The following TANC2 variants were observed in gnomAD, a reference collection of about 807,000 sequenced individuals.
TANC2 encodes protein TANC2.
Under a neutral mutation model 210.5 loss-of-function variants are expected in TANC2, and 26 were observed. The ratio of observed to expected loss-of-function variants is 0.12; its 90% CI spans 0.09 to 0.17. The LOEUF is 0.17. Ranked by LOEUF, TANC2 falls within the 10% of genes least tolerant of loss-of-function variation. TANC2 has a pLI of 1.00. For missense variants in TANC2, 2,129 were observed against 2,608.9 expected, an observed-to-expected ratio of 0.82 and a Z score of 4.01; for synonymous variants, 931 against 967.1, an observed-to-expected ratio of 0.96 and a Z score of 0.69.
chr17:63,176,898 T>C (rs2040603923), intron 5 of TANC2, among the ~76,000 whole-genome samples: 2 of 151,878 alleles, frequency 1.3e-5, no homozygotes, highest in African/African-American at 4.8e-5. Context: ...ACATACAGAC[T>C]TCCAGAGAGT....
intron 14 of TANC2, among the ~76,000 whole-genome samples, chr17:63,357,055 A>T (rs1038841308): frequency 2.0e-5 from 3 of 152,258 alleles, no homozygotes; most frequent in Admixed American, 6.5e-5. Context: ...TGTGAATTGT[A>T]TGATGTTCCC....
rs1302894077 is a variant in TANC2 at position 63,421,042 on chromosome 17, G to T, written c.5312G>T (p.Cys1771Phe). 1.2e-6 allele frequency: 2 copies of T among 1,613,890 alleles called. No individual in the cohort carries two copies. Among genetic ancestry groups the T allele is most frequent in the Admixed American group, 1.7e-5 (1 of 60,010 alleles). Residue 1771 changes from cysteine (C) to phenylalanine (F), a missense_variant, in exon 28 of 28, where the codon TGT becomes TTT. Cys to Phe is a radical substitution (Grantham distance 205). Around this residue, in one of 5 missense-constraint regions of TANC2, gnomAD observed 584 missense variants for 627.3 expected, o/e 0.93. Transcript: ENST00000689528. The surrounding 1 kb of genome is among the most constrained non-coding windows in gnomAD (Gnocchi z 6.9). Reference sequence around the variant, plus strand: ...GCCAGCCTGAGTGCAGGCGCCATCTGTCAGCATGGAGGATTGACCAAAGAG... The same window carrying T: ...GCCAGCCTGAGTGCAGGCGCCATCTTTCAGCATGGAGGATTGACCAAAGAG...
At chr17:63,417,835 C>A (rs1031698540) in intron 26 of TANC2, among the ~76,000 whole-genome samples, 6 of 152,156 alleles carry the variant, frequency 3.9e-5, no homozygotes, top group South Asian at 2.1e-4. Flanking sequence ...CCTTTACAGA[C>A]GTCATCCTCC....
intron 7 of TANC2, among the ~76,000 whole-genome samples, chr17:63,232,583 C>T (rs1328199401): frequency 1.3e-5 from 2 of 152,240 alleles, no homozygotes; most frequent in Non-Finnish European, 2.9e-5. Context: ...CTGGAGGTGT[C>T]ACCAGTGGAG....
intron 2 of TANC2, among the ~76,000 whole-genome samples, chr17:63,054,170 G>A (rs1225156128): frequency 6.6e-6 from 1 of 152,090 alleles, no homozygotes; most frequent in Non-Finnish European, 1.5e-5. Context: ...ATTATTATTA[G>A]TACTAAATGA....
At chr17:63,055,322 A>G (rs1169782501) in intron 2 of TANC2, among the ~76,000 whole-genome samples, 35 of 152,202 alleles carry the variant, frequency 2.3e-4, no homozygotes, top group Admixed American at 2.2e-3. Flanking sequence ...AGAACAATCT[A>G]TTAACAGTAT....
intron 1 of TANC2, among the ~76,000 whole-genome samples, chr17:62,970,181 C>T (rs1459030668): frequency 6.6e-6 from 1 of 152,150 alleles, no homozygotes; most frequent in Non-Finnish European, 1.5e-5. Context: ...TTGCATATCT[C>T]ATGTAACCAA....
At chr17:63,099,286 C>G in exon 4 of TANC2, 2 of 1,582,948 alleles carry the variant, frequency 1.3e-6, no homozygotes, top group Non-Finnish European at 1.7e-6. Context: ...ATGTCTCGCT[C>G]TCTTCCATCC....
intron 17 of TANC2, among the ~76,000 whole-genome samples, chr17:63,392,561 T>C (rs547283214): frequency 2.0e-5 from 3 of 152,156 alleles, no homozygotes; most frequent in Non-Finnish European, 4.4e-5. Flanking sequence ...ATTCTTGGAG[T>C]CTTCTTGTGT....
chr17:63,180,028 C>CCTGTGG (rs2040725949), intron 5 of TANC2, among the ~76,000 whole-genome samples: 1 of 149,384 alleles, frequency 6.7e-6, no homozygotes, highest in Non-Finnish European at 1.5e-5. Flanking sequence ...GTGGTACCAG[C>CCTGTGG]TACTCAAGAG....
At chr17:63,033,385 C>T (rs1404796763) in intron 2 of TANC2, among the ~76,000 whole-genome samples, 1 of 152,144 alleles carries the variant, frequency 6.6e-6, no homozygotes, top group Non-Finnish European at 1.5e-5. Flanking sequence ...CACCAGTAAT[C>T]TCATTAACAT....
intron 26 of TANC2, among the ~76,000 whole-genome samples, chr17:63,416,449 T>G (rs1335473563): frequency 6.6e-6 from 1 of 152,152 alleles, no homozygotes; most frequent in Admixed American, 6.5e-5. Context: ...GCCAAACAGA[T>G]GTATTGATCA....
At chr17:63,309,857 G>C (rs890278315) in intron 9 of TANC2, among the ~76,000 whole-genome samples, 3 of 152,124 alleles carry the variant, frequency 2.0e-5, no homozygotes, top group East Asian at 1.9e-4. Context: ...TTACAGATAA[G>C]TGGAACAAAC....
intron 5 of TANC2, among the ~76,000 whole-genome samples, chr17:63,187,000 C>T (rs1338567397): frequency 1.3e-5 from 2 of 152,172 alleles, no homozygotes; most frequent in African/African-American, 4.8e-5. Flanking sequence ...TGTTTAGGGA[C>T]ATATCTTAAT....
chr17:62,984,616 A>G (rs1280007085), intron 1 of TANC2, among the ~76,000 whole-genome samples: 1 of 152,008 alleles, frequency 6.6e-6, no homozygotes, highest in Non-Finnish European at 1.5e-5. Flanking sequence ...TTGTGTCTTA[A>G]TACTACTTTT....
intron 14 of TANC2, among the ~76,000 whole-genome samples, chr17:63,366,263 A>G (rs1344230189): frequency 6.6e-6 from 1 of 152,240 alleles, no homozygotes; most frequent in East Asian, 1.9e-4. Context: ...ATTAAGTAAT[A>G]TATTTAAGGC....
intron 1 of TANC2, among the ~76,000 whole-genome samples, chr17:63,008,564 A>G (rs1755105070): frequency 1.3e-5 from 2 of 152,148 alleles, no homozygotes; most frequent in East Asian, 1.9e-4. Context: ...TTCTTTTTGA[A>G]CAAGATAGAC....
At chr17:63,313,929 G>A (rs547064459) in intron 9 of TANC2, among the ~76,000 whole-genome samples, 87 of 152,300 alleles carry the variant, frequency 5.7e-4, no homozygotes, top group Non-Finnish European at 1.0e-3. Context: ...AGCTGCTACG[G>A]TAAGCTGTCT....
chr17:63,254,394 A>T (rs952457627), intron 8 of TANC2, among the ~76,000 whole-genome samples: 1 of 152,168 alleles, frequency 6.6e-6, no homozygotes, highest in Non-Finnish European at 1.5e-5. Context: ...TGGGTTTTTT[A>T]AAATATAAGA....
Sources: allele counts gnomAD v4.1 joint callset (sites outside exome capture counted in the v4.1 genomes callset), GRCh38; gene constraint gnomAD v4.1.1; regional missense constraint gnomAD v4.1.1; non-coding constraint Gnocchi (gnomAD v3.1); transcripts MANE v1.5; gene names NCBI Gene and HGNC (gene_info 2026-07-23, HGNC 2026-07-21).